OVGP1: variants seen among roughly 807,000 people sequenced by gnomAD.
The protein encoded by OVGP1 is oviduct-specific glycoprotein.
A neutral mutation model predicts 48.2 loss-of-function variants in OVGP1; 26 were observed. That is an observed-to-expected ratio of 0.54 (90% CI 0.40 to 0.75). OVGP1 has a LOEUF of 0.75. Ranked by LOEUF, OVGP1 falls within the 30% of genes least tolerant of loss-of-function variation. The pLI is 0.00. For missense variants in OVGP1, 791 were observed against 820.6 expected (o/e 0.96, Z 0.44); for synonymous variants, 294 against 305.7 (o/e 0.96, Z 0.40).
chr1:111,425,277 G>T, intron 4 of OVGP1, 106 bp downstream of exon 4: 2 of 1,285,378 alleles, frequency 1.6e-6, no homozygotes, highest in Non-Finnish European at 1.1e-6. Context: ...AAGTATTTGC[G>T]CTAGCTTTGC....
At position 111,421,402 on chromosome 1, in the gene OVGP1, C is replaced by T. The variant is rs757218850; in HGVS notation, c.777G>A (p.Gly259=). Residue 259 remains glycine, a synonymous_variant, in exon 8 of 11, where the codon GGG becomes GGA. Coordinates refer to ENST00000369732, the MANE Select transcript of OVGP1 (RefSeq NM_002557.4). ...GAAAGGTACGTCCATAGGTGGGGAT[C>T]CCCATGATGAGCTTCTCTGAGGGTG... ...LGAPSEKLIM[G]IPTYGRTFRL... 2.5e-6 allele frequency: 4 copies of T among 1,613,894 alleles called. No homozygotes were observed. The highest frequency in any genetic ancestry group is 3.3e-4 in the Middle Eastern group (2 of 6,056).
rs1652213378 is a variant in OVGP1 at position 111,419,667 on chromosome 1, A to G, written c.963T>C (p.Tyr321=). The G allele has an allele frequency of 6.2e-7, 1 of 1,613,796 alleles. No homozygotes were observed. Among genetic ancestry groups the G allele is most frequent in the Non-Finnish European group, 8.5e-7 (1 of 1,179,808 alleles). The change falls in exon 9 of 11, where the codon TAT becomes TAC. Residue 321 remains tyrosine (Y), a synonymous_variant. Coordinates refer to ENST00000369732, the MANE Select transcript of OVGP1 (RefSeq NM_002557.4). ...KHWIDYQYVP[Y]ANKGKEWVGY... ...CAACCCACTCTTTCCCCTTGTTGGCATACGGGACATACTGGTAATCAATCC... is the reference window on the plus strand; with the variant it reads ...CAACCCACTCTTTCCCCTTGTTGGCGTACGGGACATACTGGTAATCAATCC...
chr1:111,423,248 G>C (rs942092472), intron 5 of OVGP1, among the ~76,000 whole-genome samples, 197 bp from the exon 6 acceptor site: 3 of 152,198 alleles, frequency 2.0e-5, no homozygotes, highest in Non-Finnish European at 2.9e-5. Flanking sequence ...AATCAATTGA[G>C]GGGTGGCAAG....
intron 4 of OVGP1, among the ~76,000 whole-genome samples, chr1:111,424,480 G>A (rs781651102): frequency 6.6e-6 from 1 of 152,186 alleles, no homozygotes; most frequent in Non-Finnish European, 1.5e-5. Context: ...GGCAATCTCT[G>A]AGGAATACCT....
intron 10 of OVGP1, 103 bp downstream of exon 10, chr1:111,416,220 A>G: frequency 7.9e-7 from 1 of 1,264,712 alleles, no homozygotes. Context: ...TCTCCCCTCA[A>G]TGTCATGTTG....
At chr1:111,419,198 C>G (rs144251603) in intron 9 of OVGP1, among the ~76,000 whole-genome samples, 178 of 152,298 alleles carry the variant, frequency 1.2e-3, no homozygotes, top group African/African-American at 4.0e-3. Context: ...TCTCCTACTC[C>G]TGCTCACCTC....
intron 4 of OVGP1, among the ~76,000 whole-genome samples, chr1:111,424,662 C>A (rs1213173819): frequency 6.6e-6 from 1 of 152,178 alleles, no homozygotes; most frequent in South Asian, 2.1e-4. Context: ...AGAGGTGAAT[C>A]CTGGGCTGGG....
intron 1 of OVGP1, 176 bp downstream of exon 1, chr1:111,427,521 C>T: frequency 2.0e-6 from 1 of 501,806 alleles, no homozygotes; most frequent in Non-Finnish European, 2.6e-6. Flanking sequence ...ACTGCTCTGA[C>T]CACTTCTCCC....
At chr1:111,427,463 G>T in intron 1 of OVGP1, 1 of 768,184 alleles carries the variant, frequency 1.3e-6, no homozygotes, top group Non-Finnish European at 1.6e-6. Flanking sequence ...GGTCCAAGGT[G>T]GAACTCAGGC....
chr1:111,417,726 C>A (rs1426743871), intron 9 of OVGP1, among the ~76,000 whole-genome samples: 2 of 151,888 alleles, frequency 1.3e-5, no homozygotes, highest in African/African-American at 4.8e-5. Flanking sequence ...AGAAAAAAAA[C>A]AAAACAAAAT....
intron 4 of OVGP1, 49 bp downstream of exon 4, chr1:111,425,334 C>T: frequency 2.5e-6 from 4 of 1,610,512 alleles, no homozygotes; most frequent in Non-Finnish European, 2.5e-6. Context: ...CACGTCTAAC[C>T]AGCCTGCTCC....
intron 10 of OVGP1, among the ~76,000 whole-genome samples, chr1:111,415,856 A>G (rs764055709): frequency 1.3e-5 from 2 of 152,170 alleles, no homozygotes; most frequent in Non-Finnish European, 2.9e-5. Context: ...CTCCAGTCGC[A>G]TTACCCATAA....
intron 9 of OVGP1, among the ~76,000 whole-genome samples, chr1:111,418,081 A>T (rs1035190043): frequency 2.0e-5 from 3 of 152,192 alleles, no homozygotes; most frequent in Admixed American, 6.5e-5. Flanking sequence ...GAACTCTGAG[A>T]AATCCAGGGT....
At chr1:111,417,195 T>A (rs1652157756) in intron 9 of OVGP1, among the ~76,000 whole-genome samples, 1 of 152,268 alleles carries the variant, frequency 6.6e-6, no homozygotes, top group South Asian at 2.1e-4. Flanking sequence ...TTAATCACCA[T>A]TATTATCCTA....
At chr1:111,419,484 C>T (rs1571353952) in intron 9 of OVGP1, 126 bp downstream of exon 9, 1 of 682,974 alleles carries the variant, frequency 1.5e-6, no homozygotes, top group Non-Finnish European at 2.7e-6. Context: ...ATGCCTGAAA[C>T]CCCTGGTCTA....
In OVGP1 at chr1:111,414,707, A is replaced by C; in HGVS notation, c.1794T>G (p.Thr598=). The C allele has an allele frequency of 6.2e-7, 1 of 1,613,904 alleles. No individual in the cohort carries two copies. The highest frequency in any genetic ancestry group is 8.5e-7 in the Non-Finnish European group (1 of 1,179,770). The change falls in exon 11 of 11, where the codon ACT becomes ACG. Residue 598 remains threonine (T), a synonymous_variant. Coordinates refer to ENST00000369732, the MANE Select transcript of OVGP1 (RefSeq NM_002557.4). ...TCCTGGGGTGAGTGCCCACCTCAGA[A>C]GTCAAATTCTCCCCTCTTAAAGGCA... ...QTMPLRGENL[T]SEVGTHPRMG...
chr1:111,418,455 T>C (rs1338957588), intron 9 of OVGP1, among the ~76,000 whole-genome samples: 1 of 152,218 alleles, frequency 6.6e-6, no homozygotes, highest in Non-Finnish European at 1.5e-5. Flanking sequence ...TCACCCAGTG[T>C]TAATGCACAG....
chr1:111,427,122 A>C, intron 1 of OVGP1, 31 bp from the exon 2 acceptor site: 2 of 1,614,000 alleles, frequency 1.2e-6, no homozygotes, highest in Non-Finnish European at 1.7e-6. Context: ...AGTCACACAG[A>C]GATTCATACC....
intron 5 of OVGP1, among the ~76,000 whole-genome samples, chr1:111,423,293 C>A (rs948109988): frequency 1.3e-5 from 2 of 152,106 alleles, no homozygotes; most frequent in Non-Finnish European, 2.9e-5. Context: ...ACAGACACTG[C>A]CTAAGGGAGT....
Sources: gnomAD v4.1 joint callset for allele counts (sites outside exome capture counted in the v4.1 genomes callset) on GRCh38, gnomAD v4.1.1 for gene constraint, MANE v1.5 for transcripts, NCBI Gene and HGNC (gene_info 2026-07-23, HGNC 2026-07-21) for gene names.